Variants in KCNB2 observed in about 807,000 individuals in gnomAD.
KCNB2 encodes the protein potassium voltage-gated channel subfamily B member 2, also known as delayed rectifier potassium channel protein.
A neutral mutation model predicts 61.5 loss-of-function variants in KCNB2; 15 were observed. The observed-to-expected ratio is 0.24, with a 90% CI of 0.16 to 0.38. The LOEUF is 0.38. Ranked by LOEUF, KCNB2 falls within the 10% of genes least tolerant of loss-of-function variation. KCNB2 has a pLI of 1.00. For synonymous variants in KCNB2, 457 were observed against 446.0 expected, an observed-to-expected ratio of 1.02 and a Z score of -0.31; for missense variants, 828 against 1,125.2, an observed-to-expected ratio of 0.74 and a Z score of 3.78.
chr8:72,601,043 A>G (rs1340568679), intron 2 of KCNB2, among the ~76,000 whole-genome samples: 1 of 152,016 alleles, frequency 6.6e-6, no homozygotes, highest in African/African-American at 2.4e-5. Context: ...ACTCACAACC[A>G]TTTCTGTATT....
In KCNB2 at chr8:72,937,214, C is replaced by T. The variant is rs760978646; in HGVS notation, c.1859C>T (p.Pro620Leu). 6.8e-6 allele frequency: 11 copies of T among 1,613,972 alleles called. No individual in the cohort carries two copies. Among genetic ancestry groups the T allele is most frequent in the Middle Eastern group, 1.6e-4 (1 of 6,084 alleles). The change falls in exon 3 of 3, where the codon CCG becomes CTG. Residue 620 changes from proline (P) to leucine (L), a missense_variant. Coordinates refer to ENST00000523207, the MANE Select transcript of KCNB2 (RefSeq NM_004770.3). ...ATDFTETERS[P>L]LPPPSASHLQ... is the part of the protein sequence containing the mutation. ...GACTTCACAGAGACAGAGAGATCGC[C>T]GCTGCCGCCGCCCTCCGCCTCTCAC...
At chr8:72,912,053 C>T (rs771560234) in intron 2 of KCNB2, among the ~76,000 whole-genome samples, 1 of 152,184 alleles carries the variant, frequency 6.6e-6, no homozygotes, top group Non-Finnish European at 1.5e-5. Flanking sequence ...AAATATCTCA[C>T]GTCATTCACT....
chr8:72,807,352 A>C (rs1809241802), intron 2 of KCNB2, among the ~76,000 whole-genome samples: 2 of 152,246 alleles, frequency 1.3e-5, no homozygotes, highest in Non-Finnish European at 2.9e-5. Flanking sequence ...GGTTCTTGTG[A>C]GAATCATATG....
At chr8:72,574,650 T>C (rs931546380) in intron 2 of KCNB2, among the ~76,000 whole-genome samples, 2 of 152,216 alleles carry the variant, frequency 1.3e-5, no homozygotes, top group Non-Finnish European at 2.9e-5. Flanking sequence ...AACATCAGAT[T>C]CTTTTCAAGC....
chr8:72,551,915 G>C (rs748863357), intron 1 of KCNB2, among the ~76,000 whole-genome samples: 1 of 152,176 alleles, frequency 6.6e-6, no homozygotes, highest in Non-Finnish European at 1.5e-5. Flanking sequence ...AATGGATGGA[G>C]CTGGGGCCCA....
At chr8:72,919,757 G>A (rs1439470583) in intron 2 of KCNB2, among the ~76,000 whole-genome samples, 1 of 152,180 alleles carries the variant, frequency 6.6e-6, no homozygotes, top group Non-Finnish European at 1.5e-5. Flanking sequence ...TAGGCTATAT[G>A]TGAAAATTAT....
intron 2 of KCNB2, among the ~76,000 whole-genome samples, chr8:72,865,987 C>T (rs1486596632): frequency 1.3e-5 from 2 of 151,992 alleles, no homozygotes; most frequent in African/African-American, 4.8e-5. Context: ...TGTATCCCAG[C>T]TCCTGGCACA....
chr8:72,707,601 C>T (rs1807250006), intron 2 of KCNB2, among the ~76,000 whole-genome samples: 2 of 152,182 alleles, frequency 1.3e-5, no homozygotes, highest in Non-Finnish European at 2.9e-5. Flanking sequence ...TTCATCTCCA[C>T]ACATACGGAA....
chr8:72,922,634 A>G (rs1806546163), intron 2 of KCNB2, among the ~76,000 whole-genome samples: 1 of 152,186 alleles, frequency 6.6e-6, no homozygotes, highest in African/African-American at 2.4e-5. Context: ...TCCATTCATG[A>G]GTGTAGACCC....
At chr8:72,672,647 T>C (rs773316751) in intron 2 of KCNB2, among the ~76,000 whole-genome samples, 10 of 151,926 alleles carry the variant, frequency 6.6e-5, no homozygotes, top group Non-Finnish European at 1.5e-4. Context: ...TTTTTTTTAA[T>C]ATAACAGCAA....
intron 2 of KCNB2, among the ~76,000 whole-genome samples, chr8:72,885,492 A>T (rs1805789140): frequency 6.6e-6 from 1 of 152,148 alleles, no homozygotes; most frequent in Non-Finnish European, 1.5e-5. Context: ...GGTTGTTGGT[A>T]TATTTAGATT....
intron 2 of KCNB2, among the ~76,000 whole-genome samples, chr8:72,645,288 G>T (rs1047663364): frequency 6.6e-6 from 1 of 152,092 alleles, no homozygotes. Flanking sequence ...GGTCTGTACC[G>T]CTTGTCATTT....
At chr8:72,652,935 G>C (rs1009762176) in intron 2 of KCNB2, among the ~76,000 whole-genome samples, 1 of 152,084 alleles carries the variant, frequency 6.6e-6, no homozygotes, top group Non-Finnish European at 1.5e-5. Flanking sequence ...ATGCCTTCTA[G>C]AGGCAGTGAG....
At chr8:72,784,942 G>A (rs1808823222) in intron 2 of KCNB2, among the ~76,000 whole-genome samples, 1 of 152,070 alleles carries the variant, frequency 6.6e-6, no homozygotes, top group African/African-American at 2.4e-5. Flanking sequence ...TGACTATGTT[G>A]CCAAGTTGTA....
intron 2 of KCNB2, among the ~76,000 whole-genome samples, chr8:72,720,973 T>TA (rs1225936420): frequency 1.3e-5 from 2 of 152,310 alleles, no homozygotes; most frequent in East Asian, 3.9e-4. Flanking sequence ...ACTGTGTAGA[T>TA]ACAATAAAAC....
chr8:72,863,620 C>T (rs1307771813), intron 2 of KCNB2, among the ~76,000 whole-genome samples: 1 of 152,248 alleles, frequency 6.6e-6, no homozygotes, highest in Non-Finnish European at 1.5e-5. Flanking sequence ...TGTACATACA[C>T]AGGACATTCC....
At chr8:72,806,355 G>GAA (rs113106261) in intron 2 of KCNB2, among the ~76,000 whole-genome samples, 56 of 97,398 alleles carry the variant, frequency 5.7e-4, no homozygotes, top group East Asian at 1.9e-3. Flanking sequence ...GAGACTCTAA[G>GAA]AAAAAAAAAA....
chr8:72,738,667 G>A (rs1807892212), intron 2 of KCNB2, among the ~76,000 whole-genome samples: 1 of 152,170 alleles, frequency 6.6e-6, no homozygotes, highest in Non-Finnish European at 1.5e-5. Flanking sequence ...ACTCCTTGCT[G>A]TCCTGCTGTA....
chr8:72,592,754 G>A (rs1456768875), intron 2 of KCNB2, among the ~76,000 whole-genome samples: 4 of 152,126 alleles, frequency 2.6e-5, no homozygotes, highest in African/African-American at 7.2e-5. Flanking sequence ...TGAACACCCT[G>A]AAGGTCCATG....
Sources: gnomAD v4.1 joint callset for allele counts (sites outside exome capture counted in the v4.1 genomes callset) on GRCh38, gnomAD v4.1.1 for gene constraint, MANE v1.5 for transcripts, NCBI Gene and HGNC (gene_info 2026-07-23, HGNC 2026-07-21) for gene names.